Variants in CCDC191 observed in about 807,000 individuals in gnomAD.
CCDC191 encodes coiled-coil domain-containing protein 191.
CCDC191 carries 99 observed loss-of-function variants against 114.0 expected under a neutral mutation model. The observed-to-expected ratio is 0.87, with a 90% CI of 0.74 to 1.03. The LOEUF (loss-of-function observed/expected upper bound fraction) is 1.03. Ranked by LOEUF, CCDC191 falls within the 50% of genes least tolerant of loss-of-function variation. The pLI is 0.00. For synonymous variants in CCDC191, 351 were observed against 376.0 expected (o/e 0.93, Z 0.77); for missense variants, 973 against 1,087.0 (o/e 0.90, Z 1.47).
At chr3:113,985,238 G>A (rs2075310065) in intron 13 of CCDC191, among the ~76,000 whole-genome samples, 1 of 152,146 alleles carries the variant, frequency 6.6e-6, no homozygotes, top group Non-Finnish European at 1.5e-5. Flanking sequence ...GAGAGGCACA[G>A]CAGCAACTGC....
Position 114,010,907 on chromosome 3 carries a change from T to A in CCDC191, c.1278A>T (p.Lys426Asn), listed in dbSNP as rs370789272. 2.6e-4 allele frequency: 421 copies of A among 1,614,116 alleles called. 5 individuals are homozygous for A. In the South Asian group the frequency reaches 4.2e-3, roughly 16 times the overall value. ...ELLKRELALT[K>N]EETRKKMDAL... ...CATCCATCTTCTTCCTAGTTTCCTC[T>A]TTTGTGAGAGCCAGCTCTCTCTTCA... The change falls in exon 9 of 17, where the codon AAA becomes AAT. Residue 426 changes from lysine to asparagine, a missense_variant. Physicochemically the swap from Lys to Asn is moderately conservative, Grantham distance 94 (BLOSUM62 0). Coordinates refer to ENST00000295878, the MANE Select transcript of CCDC191 (RefSeq NM_020817.2).
chr3:114,003,380 C>G, intron 11 of CCDC191: 1 of 985,186 alleles, frequency 1.0e-6, no homozygotes, highest in African/African-American at 1.7e-5. Context: ...AAAAACTCAC[C>G]AGGCTATTTC....
chr3:114,035,937 T>TTTAAAGCAGTTA (rs1474156398), intron 5 of CCDC191, among the ~76,000 whole-genome samples: 7 of 152,168 alleles, frequency 4.6e-5, no homozygotes, highest in Non-Finnish European at 7.4e-5. Context: ...CATTGAATAA[T>TTTAAAGCAGTTA]TTAAAGCAGT....
intron 13 of CCDC191, among the ~76,000 whole-genome samples, chr3:113,981,681 A>G (rs929440506): frequency 1.3e-5 from 2 of 152,200 alleles, no homozygotes; most frequent in African/African-American, 4.8e-5. Flanking sequence ...GAACTGGCTG[A>G]TCCTGGCAAG....
intron 16 of CCDC191, among the ~76,000 whole-genome samples, chr3:113,977,948 T>C (rs2074989790): frequency 6.6e-6 from 1 of 152,144 alleles, no homozygotes; most frequent in African/African-American, 2.4e-5. Flanking sequence ...TCTTGGCAGT[T>C]TCCGTGAGGT....
chr3:113,977,286 A>C (rs1316810587), intron 16 of CCDC191, among the ~76,000 whole-genome samples: 2 of 152,040 alleles, frequency 1.3e-5, no homozygotes, highest in Non-Finnish European at 2.9e-5. Flanking sequence ...AATGTTGAGA[A>C]AAGGGGCATT....
intron 7 of CCDC191, among the ~76,000 whole-genome samples, chr3:114,026,515 C>CT (rs2107714617): frequency 6.6e-6 from 1 of 152,240 alleles, no homozygotes; most frequent in Admixed American, 6.5e-5. Flanking sequence ...CTTTATTTCC[C>CT]TCCCCTAACA....
intron 16 of CCDC191, among the ~76,000 whole-genome samples, chr3:113,972,887 T>C (rs1940964675): frequency 6.6e-6 from 1 of 152,180 alleles, no homozygotes; most frequent in Admixed American, 6.5e-5. Flanking sequence ...TCCTGCTGTG[T>C]TTTTGGTTTC....
chr3:114,012,394 CAATA>C (rs1266806010), intron 8 of CCDC191, among the ~76,000 whole-genome samples: 1 of 151,998 alleles, frequency 6.6e-6, no homozygotes, highest in Non-Finnish European at 1.5e-5. Context: ...GATAGGTACT[CAATA>C]AATATTTAGA....
At chr3:114,053,545 A>T in intron 2 of CCDC191, 52 bp downstream of exon 2, 1 of 1,095,006 alleles carries the variant, frequency 9.1e-7, no homozygotes, top group Non-Finnish European at 1.4e-6. Flanking sequence ...TTTCCATCTG[A>T]TTATGCTTGA....
intron 16 of CCDC191, among the ~76,000 whole-genome samples, chr3:113,976,992 C>T (rs1401519650): frequency 6.6e-6 from 1 of 152,160 alleles, no homozygotes; most frequent in Non-Finnish European, 1.5e-5. Flanking sequence ...TAAACAAGGA[C>T]AAACAGGTTT....
intron 13 of CCDC191, among the ~76,000 whole-genome samples, chr3:113,985,579 G>C (rs1263761465): frequency 2.0e-5 from 3 of 152,154 alleles, no homozygotes; most frequent in Non-Finnish European, 4.4e-5. Flanking sequence ...AATCAGAACA[G>C]AGAATGCTCC....
intron 16 of CCDC191, among the ~76,000 whole-genome samples, chr3:113,976,882 G>A (rs1941400567): frequency 6.6e-6 from 1 of 152,138 alleles, no homozygotes. Context: ...GAGGTCCTCT[G>A]AATGCCCTCA....
chr3:113,986,814 C>G (rs980560698), intron 13 of CCDC191, among the ~76,000 whole-genome samples: 1 of 152,126 alleles, frequency 6.6e-6, no homozygotes, highest in Non-Finnish European at 1.5e-5. Flanking sequence ...CTCTCTCCCT[C>G]TCCCCTCTGT....
intron 7 of CCDC191, among the ~76,000 whole-genome samples, chr3:114,024,513 T>A (rs2076290774): frequency 6.6e-6 from 1 of 152,326 alleles, no homozygotes; most frequent in East Asian, 1.9e-4. Context: ...TGGAATACTA[T>A]GCAGCCATAA....
chr3:113,991,488 C>G (rs1255855784), intron 13 of CCDC191, among the ~76,000 whole-genome samples: 1 of 152,102 alleles, frequency 6.6e-6, no homozygotes, highest in Non-Finnish European at 1.5e-5. Context: ...AATAAACACT[C>G]TCAGCAATCT....
intron 8 of CCDC191, among the ~76,000 whole-genome samples, chr3:114,012,645 A>G (rs968068839): frequency 3.3e-5 from 5 of 152,234 alleles, no homozygotes; most frequent in African/African-American, 4.8e-5. Context: ...AGTAAAAATC[A>G]TAAATTTCTA....
intron 2 of CCDC191, among the ~76,000 whole-genome samples, chr3:114,052,901 T>C (rs550717882): frequency 6.6e-6 from 1 of 151,816 alleles, no homozygotes; most frequent in South Asian, 2.1e-4. Flanking sequence ...TTTTGAAACA[T>C]GTGGTACACG....
At chr3:114,046,494 A>G in intron 3 of CCDC191, 97 bp downstream of exon 3, 2 of 796,116 alleles carry the variant, frequency 2.5e-6, no homozygotes, top group Admixed American at 2.1e-5. Flanking sequence ...GGAAATTAAG[A>G]ACAAGAGTAA....
Sources: allele counts gnomAD v4.1 joint callset (sites outside exome capture counted in the v4.1 genomes callset), GRCh38; gene constraint gnomAD v4.1.1; transcripts MANE v1.5; gene names NCBI Gene and HGNC (gene_info 2026-07-23, HGNC 2026-07-21).